PTPN9: variants seen among roughly 807,000 people sequenced by gnomAD.
The protein encoded by PTPN9 is tyrosine-protein phosphatase non-receptor type 9.
In PTPN9, 26 loss-of-function variants were observed where a neutral mutation model predicts 69.8. The observed-to-expected ratio is 0.37, with a 90% CI of 0.27 to 0.52. The LOEUF (loss-of-function observed/expected upper bound fraction) is 0.52, where lower values mean the gene tolerates loss of function less well. Among genes scored for constraint, PTPN9 ranks in the 20% least tolerant of loss-of-function variants. The pLI, the probability that PTPN9 is intolerant of heterozygous loss-of-function variation, is 0.91. For missense variants in PTPN9, 549 were observed against 740.3 expected (o/e 0.74, Z 3.00); for synonymous variants, 274 against 272.5 (o/e 1.01, Z -0.05).
chr15:75,551,001 T>C (rs1288631252), intron 1 of PTPN9, among the ~76,000 whole-genome samples: 2 of 152,118 alleles, frequency 1.3e-5, no homozygotes, highest in Non-Finnish European at 2.9e-5. Context: ...AACAGACCAA[T>C]GTTTACTGAG....
chr15:75,537,638 C>G (rs1450737989), intron 1 of PTPN9, among the ~76,000 whole-genome samples: 1 of 148,518 alleles, frequency 6.7e-6, no homozygotes, highest in Admixed American at 6.8e-5. Flanking sequence ...ACCTGTAGTC[C>G]CAGCTACTCG....
chr15:75,569,948 G>C (rs1355012964), intron 1 of PTPN9, among the ~76,000 whole-genome samples: 3 of 151,924 alleles, frequency 2.0e-5, no homozygotes, highest in African/African-American at 7.2e-5. Context: ...AGCCTCCCGA[G>C]TAGCTGGGAC....
At position 75,543,958 on chromosome 15, in the gene PTPN9, G is replaced by A. The variant is rs537787489; in HGVS notation, c.64-16697C>T. On this transcript the variant is annotated intron_variant, in intron 1 of 12. Transcript: ENST00000618819. ...TAGCCTTAGATGGGGATGCTTCAAC[G>A]AGGAGTGTGCCACTCTCACTTTCCT... 5.3e-5 allele frequency among the ~76,000 whole-genome samples: 8 copies of A among 152,252 alleles called. No homozygotes were observed. In the South Asian group the frequency reaches 1.5e-3, roughly 28 times the overall value.
chr15:75,529,717 C>G (rs549487850), intron 1 of PTPN9, among the ~76,000 whole-genome samples: 1 of 152,028 alleles, frequency 6.6e-6, no homozygotes, highest in South Asian at 2.1e-4. Flanking sequence ...CGAGACCAGC[C>G]TGGCCAACAT....
At chr15:75,532,991 T>C (rs2074969951) in intron 1 of PTPN9, among the ~76,000 whole-genome samples, 1 of 152,192 alleles carries the variant, frequency 6.6e-6, no homozygotes, top group African/African-American at 2.4e-5. Flanking sequence ...ATAATTGAAA[T>C]TCTCAAAATT....
intron 1 of PTPN9, among the ~76,000 whole-genome samples, 180 bp downstream of exon 1, chr15:75,578,534 C>A (rs2075184193): frequency 6.6e-6 from 1 of 152,160 alleles, no homozygotes; most frequent in African/African-American, 2.4e-5. Flanking sequence ...TCCCGTGGGT[C>A]CCCCGACGAG....
chr15:75,509,462 G>C (rs908867187), intron 5 of PTPN9, among the ~76,000 whole-genome samples: 1 of 152,222 alleles, frequency 6.6e-6, no homozygotes, highest in African/African-American at 2.4e-5. Context: ...GCCGAGGTGG[G>C]TGGATCACCA....
chr15:75,504,564 C>T (rs1304136374), intron 7 of PTPN9, among the ~76,000 whole-genome samples: 1 of 137,314 alleles, frequency 7.3e-6, no homozygotes, highest in Non-Finnish European at 1.6e-5. Context: ...AGGTGAGGGG[C>T]GCCTCTGCCC....
intron 1 of PTPN9, among the ~76,000 whole-genome samples, chr15:75,552,538 T>G (rs967860108): frequency 6.6e-6 from 1 of 152,088 alleles, no homozygotes; most frequent in African/African-American, 2.4e-5. Flanking sequence ...ACTCAATGCT[T>G]TATTATAAAA....
At chr15:75,543,040 C>G (rs983253241) in intron 1 of PTPN9, among the ~76,000 whole-genome samples, 3 of 143,526 alleles carry the variant, frequency 2.1e-5, no homozygotes, top group African/African-American at 7.8e-5. Flanking sequence ...TAATGTTCCC[C>G]TTCCTGTGTC....
At chr15:75,576,698 C>T (rs1427169069) in intron 1 of PTPN9, among the ~76,000 whole-genome samples, 1 of 152,002 alleles carries the variant, frequency 6.6e-6, no homozygotes, top group Non-Finnish European at 1.5e-5. Flanking sequence ...ATCCCAGCTG[C>T]TCGGGAGGCT....
intron 1 of PTPN9, among the ~76,000 whole-genome samples, chr15:75,545,379 G>A (rs1239352639): frequency 6.6e-6 from 1 of 151,952 alleles, no homozygotes; most frequent in Non-Finnish European, 1.5e-5. Flanking sequence ...ACCAGCCTGG[G>A]CAACATAGTG....
At chr15:75,532,995 C>T (rs1226516480) in intron 1 of PTPN9, among the ~76,000 whole-genome samples, 3 of 152,112 alleles carry the variant, frequency 2.0e-5, no homozygotes, top group Admixed American at 6.6e-5. Context: ...TTGAAATTCT[C>T]AAAATTAAAA....
At chr15:75,569,577 C>G (rs367776514) in intron 1 of PTPN9, among the ~76,000 whole-genome samples, 4 of 150,422 alleles carry the variant, frequency 2.7e-5, no homozygotes, top group African/African-American at 9.8e-5. Flanking sequence ...TGGTGGCGGG[C>G]ACCTGTAATC....
At chr15:75,478,600 G>T (rs1214672316) in intron 9 of PTPN9, among the ~76,000 whole-genome samples, 1 of 152,164 alleles carries the variant, frequency 6.6e-6, no homozygotes, top group African/African-American at 2.4e-5. Context: ...CTTTAATCTA[G>T]AACAGTTCTC....
At chr15:75,530,813 CATAAT>C (rs1186171440) in intron 1 of PTPN9, among the ~76,000 whole-genome samples, 289 of 70,924 alleles carry the variant, frequency 4.1e-3, no homozygotes, top group African/African-American at 0.014. Context: ...TATAATATAT[CATAAT>C]ATAATATAAT....
chr15:75,505,270 A>C (rs1309370140), intron 7 of PTPN9, among the ~76,000 whole-genome samples: 2 of 149,696 alleles, frequency 1.3e-5, no homozygotes, highest in Admixed American at 6.7e-5. Context: ...CATGCTCGTT[A>C]AGAATCATCA....
At chr15:75,478,999 T>C (rs2074612712) in intron 9 of PTPN9, among the ~76,000 whole-genome samples, 2 of 152,212 alleles carry the variant, frequency 1.3e-5, no homozygotes, top group Admixed American at 6.5e-5. Flanking sequence ...GGAACATTTA[T>C]AGAAACTCCA....
At chr15:75,551,257 T>C (rs2075055556) in intron 1 of PTPN9, among the ~76,000 whole-genome samples, 1 of 151,812 alleles carries the variant, frequency 6.6e-6, no homozygotes, top group South Asian at 2.1e-4. Context: ...ACATTTTAAA[T>C]ATGAGGAAAT....
Sources: allele counts gnomAD v4.1 joint callset (sites outside exome capture counted in the v4.1 genomes callset), GRCh38; gene constraint gnomAD v4.1.1; transcripts MANE v1.5; gene names NCBI Gene and HGNC (gene_info 2026-07-23, HGNC 2026-07-21).